The following GRIA1 variants were observed in gnomAD, a reference collection of about 807,000 sequenced individuals.
GRIA1 encodes glutamate receptor 1.
GRIA1 carries 31 observed loss-of-function variants against 99.2 expected under a neutral mutation model. The ratio of observed to expected loss-of-function variants is 0.31; its 90% CI spans 0.23 to 0.42. GRIA1 has a LOEUF of 0.42. Ranked by LOEUF, GRIA1 falls within the 10% of genes least tolerant of loss-of-function variation. The pLI, the probability that GRIA1 is intolerant of heterozygous loss-of-function variation, is 1.00. For synonymous variants in GRIA1, 438 were observed against 432.4 expected, an observed-to-expected ratio of 1.01 and a Z score of -0.16; for missense variants, 782 against 1,157.5, an observed-to-expected ratio of 0.68 and a Z score of 4.71.
intron 2 of GRIA1, among the ~76,000 whole-genome samples, chr5:153,603,177 G>T (rs1242547266): frequency 6.6e-6 from 1 of 151,972 alleles, no homozygotes; most frequent in African/African-American, 2.4e-5. Context: ...GCAGTGTTTG[G>T]TTTTTTGTCT....
chr5:153,768,135 T>C (rs1763640901), intron 12 of GRIA1, among the ~76,000 whole-genome samples: 1 of 152,182 alleles, frequency 6.6e-6, no homozygotes, highest in African/African-American at 2.4e-5. Flanking sequence ...CAGCTGAATT[T>C]ATACATTTTC....
intron 2 of GRIA1, among the ~76,000 whole-genome samples, chr5:153,506,316 GGTGT>G (rs61220170): frequency 0.14 from 19,184 of 140,230 alleles, 2,030 homozygotes; most frequent in East Asian, 0.49. Context: ...TGGCAAGAAG[GGTGT>G]GTGTGTGTGT....
chr5:153,492,316 T>C (rs760419482), intron 1 of GRIA1: 1 of 1,531,704 alleles, frequency 6.5e-7, no homozygotes, highest in South Asian at 1.2e-5. Context: ...AGTGTGTACG[T>C]ATCTGTGTGT....
intron 2 of GRIA1, among the ~76,000 whole-genome samples, chr5:153,607,615 C>T (rs1193042472): frequency 3.3e-5 from 5 of 151,970 alleles, no homozygotes; most frequent in African/African-American, 9.7e-5. Context: ...TCTTCTAGTG[C>T]TTACACTGAT....
At chr5:153,699,280 CAG>C in intron 10 of GRIA1, among the ~76,000 whole-genome samples, 1 of 152,204 alleles carries the variant, frequency 6.6e-6, no homozygotes, top group Non-Finnish European at 1.5e-5. Flanking sequence ...CAATCCCACT[CAG>C]AGTCTTGTGA....
chr5:153,644,759 C>A (rs2149450655), intron 2 of GRIA1, among the ~76,000 whole-genome samples: 1 of 151,968 alleles, frequency 6.6e-6, no homozygotes, highest in South Asian at 2.1e-4. Flanking sequence ...TGAGGCACAA[C>A]TGCTACAAAG....
chr5:153,554,510 T>C (rs1760444092), intron 2 of GRIA1, among the ~76,000 whole-genome samples: 1 of 152,214 alleles, frequency 6.6e-6, no homozygotes, highest in Non-Finnish European at 1.5e-5. Flanking sequence ...TGTTTTGTTT[T>C]TGAGATGGAG....
chr5:153,515,710 T>C (rs765109357), intron 2 of GRIA1, among the ~76,000 whole-genome samples: 2 of 152,202 alleles, frequency 1.3e-5, no homozygotes, highest in Non-Finnish European at 2.9e-5. Context: ...TATCAAAAGA[T>C]CACACTGTAA....
At chr5:153,522,432 G>T (rs1217697629) in intron 2 of GRIA1, among the ~76,000 whole-genome samples, 1 of 152,192 alleles carries the variant, frequency 6.6e-6, no homozygotes, top group Non-Finnish European at 1.5e-5. Context: ...TGACCGTAGA[G>T]CTCATATTCA....
At chr5:153,801,946 T>C (rs1455936934) in intron 14 of GRIA1, among the ~76,000 whole-genome samples, 2 of 15,672 alleles carry the variant, frequency 1.3e-4, no homozygotes, top group Non-Finnish European at 1.1e-4. Context: ...ACAGAGGAAA[T>C]TGGGGCGGGG....
chr5:153,631,080 G>C (rs1752926018), intron 2 of GRIA1, among the ~76,000 whole-genome samples: 3 of 152,208 alleles, frequency 2.0e-5, no homozygotes, highest in Admixed American at 2.0e-4. Flanking sequence ...ACTTGACATT[G>C]ATTGAACCTC....
chr5:153,633,441 T>G, intron 2 of GRIA1, among the ~76,000 whole-genome samples: 1 of 152,182 alleles, frequency 6.6e-6, no homozygotes, highest in East Asian at 1.9e-4. Context: ...TTGAGAAACT[T>G]TGAAAAGCGA....
intron 13 of GRIA1, among the ~76,000 whole-genome samples, chr5:153,778,231 A>G (rs1289815809): frequency 3.3e-5 from 5 of 149,708 alleles, no homozygotes; most frequent in Admixed American, 6.7e-5. Context: ...GTGTGTTTCA[A>G]TAGAGACTGG....
At chr5:153,592,287 T>C (rs567575054) in intron 2 of GRIA1, among the ~76,000 whole-genome samples, 10 of 152,232 alleles carry the variant, frequency 6.6e-5, no homozygotes, top group Non-Finnish European at 1.2e-4. Context: ...CTAGATTCCA[T>C]TGAATTCCTG....
chr5:153,500,759 A>T lies in GRIA1; in HGVS notation c.220+6694A>T, dbSNP rs556163010. On this transcript the variant is annotated intron_variant, in intron 2 of 15. Transcript: ENST00000285900. ...AGATAGGTAGGATGTAGATGGGAAA[A>T]TATATATGTATATATTTGTATACAC... is the stretch of plus-strand genomic sequence containing the variant. Among the ~76,000 whole-genome samples, 5 of 151,770 alleles carry T rather than the reference A, an allele frequency of 3.3e-5. No individual in the cohort carries two copies. In the East Asian group the frequency reaches 9.7e-4, roughly 29 times the overall value.
chr5:153,735,982 G>A (rs1561814071), intron 11 of GRIA1, among the ~76,000 whole-genome samples: 1 of 152,296 alleles, frequency 6.6e-6, no homozygotes, highest in East Asian at 1.9e-4. Flanking sequence ...TCATGAGTCT[G>A]GAGGTGAGGG....
chr5:153,578,734 C>T (rs534043790), intron 2 of GRIA1, among the ~76,000 whole-genome samples: 1 of 152,206 alleles, frequency 6.6e-6, no homozygotes, highest in Non-Finnish European at 1.5e-5. Flanking sequence ...TGGTGAAACC[C>T]CGTCTTTACT....
intron 2 of GRIA1, among the ~76,000 whole-genome samples, chr5:153,624,137 TTACTC>T (rs1767344331): frequency 1.3e-5 from 2 of 152,214 alleles, no homozygotes; most frequent in Admixed American, 6.5e-5. Flanking sequence ...TAAGCACTCT[TTACTC>T]TAGACATTTA....
intron 2 of GRIA1, among the ~76,000 whole-genome samples, chr5:153,579,884 C>T (rs200663803): frequency 8.6e-6 from 1 of 116,810 alleles, no homozygotes; most frequent in Non-Finnish European, 1.9e-5. Flanking sequence ...AAAACAAAAA[C>T]AAACAAACAA....
Sources: gnomAD v4.1 joint callset for allele counts (sites outside exome capture counted in the v4.1 genomes callset) on GRCh38, gnomAD v4.1.1 for gene constraint, MANE v1.5 for transcripts, NCBI Gene and HGNC (gene_info 2026-07-23, HGNC 2026-07-21) for gene names.